OPCML: variants seen among roughly 807,000 people sequenced by gnomAD.
The protein encoded by OPCML is opioid-binding protein/cell adhesion molecule.
A neutral mutation model predicts 37.8 loss-of-function variants in OPCML; 13 were observed. The ratio of observed to expected loss-of-function variants is 0.34; its 90% CI spans 0.22 to 0.55. The LOEUF is 0.55. OPCML is among the 20% of genes least tolerant of loss of function. OPCML has a pLI of 0.91. For missense variants in OPCML, 341 were observed against 435.6 expected (o/e 0.78, Z 1.93); for synonymous variants, 176 against 168.8 (o/e 1.04, Z -0.33).
chr11:133,087,251 TGAA>T (rs1041093263), intron 1 of OPCML, among the ~76,000 whole-genome samples: 56 of 152,334 alleles, frequency 3.7e-4, no homozygotes, highest in Admixed American at 2.2e-3. Context: ...ATAGCAGTTT[TGAA>T]GAAGATGTTA....
chr11:133,273,927 C>T (rs1941920623), intron 1 of OPCML, among the ~76,000 whole-genome samples: 1 of 152,194 alleles, frequency 6.6e-6, no homozygotes, highest in Admixed American at 6.5e-5. Context: ...CTTTGAAATT[C>T]GTGTGTTAGA....
At chr11:132,924,075 G>T (rs58549753) in intron 2 of OPCML, among the ~76,000 whole-genome samples, 21 of 151,532 alleles carry the variant, frequency 1.4e-4, no homozygotes, top group African/African-American at 4.9e-4. Flanking sequence ...TAATTAAATC[G>T]AAATCTTGTT....
At chr11:132,645,947 C>A (rs965775925) in intron 3 of OPCML, among the ~76,000 whole-genome samples, 1 of 152,176 alleles carries the variant, frequency 6.6e-6, no homozygotes, top group Non-Finnish European at 1.5e-5. Flanking sequence ...GGGAGAAGAA[C>A]ATTAAAGGCA....
intron 1 of OPCML, among the ~76,000 whole-genome samples, chr11:132,970,438 A>G (rs1418748988): frequency 1.3e-5 from 2 of 152,162 alleles, no homozygotes; most frequent in East Asian, 3.9e-4. Flanking sequence ...AGATCAACCT[A>G]TTATAACAGT....
chr11:133,071,362 A>T (rs1025280305), intron 1 of OPCML, among the ~76,000 whole-genome samples: 2 of 152,220 alleles, frequency 1.3e-5, no homozygotes, highest in African/African-American at 4.8e-5. Flanking sequence ...TGTGTAAAAC[A>T]TATAGATGAG....
chr11:133,198,426 G>GGCTCT (rs1297609481), intron 1 of OPCML, among the ~76,000 whole-genome samples: 1 of 152,254 alleles, frequency 6.6e-6, no homozygotes, highest in Non-Finnish European at 1.5e-5. Context: ...GAGACAAAAT[G>GGCTCT]GCTCTGCTCT....
At chr11:133,034,758 T>G (rs1947746024) in intron 1 of OPCML, among the ~76,000 whole-genome samples, 1 of 151,896 alleles carries the variant, frequency 6.6e-6, no homozygotes, top group East Asian at 1.9e-4. Flanking sequence ...TTCCTTTTTT[T>G]TTTTTTGCTC....
At chr11:132,883,758 A>T (rs111756025) in intron 2 of OPCML, among the ~76,000 whole-genome samples, 32 of 152,282 alleles carry the variant, frequency 2.1e-4, no homozygotes, top group African/African-American at 7.7e-4. Context: ...CCTTATAAAA[A>T]CCCTATAAAA....
At chr11:132,471,087 A>C (rs1565590162) in intron 4 of OPCML, among the ~76,000 whole-genome samples, 1 of 152,362 alleles carries the variant, frequency 6.6e-6, no homozygotes, top group East Asian at 1.9e-4. Flanking sequence ...TTTCCAGTTA[A>C]ATGAGCATCA....
At chr11:133,520,938 T>C (rs761893171) in intron 1 of OPCML, among the ~76,000 whole-genome samples, 18 of 152,220 alleles carry the variant, frequency 1.2e-4, no homozygotes, top group Non-Finnish European at 2.5e-4. Context: ...GCCTGGGAAG[T>C]GAATGCAGGA....
At chr11:132,794,899 TA>T (rs55742457) in intron 2 of OPCML, among the ~76,000 whole-genome samples, 9,615 of 140,674 alleles carry the variant, frequency 0.068, 759 homozygotes, top group African/African-American at 0.2. Flanking sequence ...ATATCATGAG[TA>T]AAAAAAAAAA....
chr11:132,731,869 G>A (rs1250794438), intron 2 of OPCML, among the ~76,000 whole-genome samples: 1 of 152,050 alleles, frequency 6.6e-6, no homozygotes, highest in Non-Finnish European at 1.5e-5. Flanking sequence ...AGGTGTATCA[G>A]GATTATTAAA....
chr11:132,884,874 A>C (rs1943350551), intron 2 of OPCML, among the ~76,000 whole-genome samples: 1 of 152,246 alleles, frequency 6.6e-6, no homozygotes, highest in Admixed American at 6.5e-5. Context: ...TCATTTAAAA[A>C]ACTATGGTTT....
At chr11:132,975,777 C>CT (rs1447440722) in intron 1 of OPCML, among the ~76,000 whole-genome samples, 1 of 151,838 alleles carries the variant, frequency 6.6e-6, no homozygotes, top group African/African-American at 2.4e-5. Context: ...CTCCTGTCTT[C>CT]TTTTTTGTTT....
intron 2 of OPCML, among the ~76,000 whole-genome samples, chr11:132,767,126 T>C (rs1946471303): frequency 6.6e-6 from 1 of 152,214 alleles, no homozygotes; most frequent in Admixed American, 6.5e-5. Context: ...AGGGGGTTAG[T>C]GAGTGCTTTT....
chr11:133,090,461 T>C (rs1349477706), intron 1 of OPCML, among the ~76,000 whole-genome samples: 2 of 152,216 alleles, frequency 1.3e-5, no homozygotes, highest in Non-Finnish European at 2.9e-5. Context: ...AAAGTGGTCA[T>C]GAACAGAATA....
chr11:133,284,582 G>C (rs1004060128), intron 1 of OPCML, among the ~76,000 whole-genome samples: 1 of 152,152 alleles, frequency 6.6e-6, no homozygotes, highest in Non-Finnish European at 1.5e-5. Context: ...AAGAGAAACT[G>C]GGATACTGGG....
intron 3 of OPCML, among the ~76,000 whole-genome samples, chr11:132,633,765 G>T (rs1012965258): frequency 6.6e-6 from 1 of 152,176 alleles, no homozygotes; most frequent in Admixed American, 6.5e-5. Flanking sequence ...AAGGGAGGGT[G>T]CCAGGAAAGG....
Position 133,177,498 on chromosome 11 carries a change from T to C in OPCML, c.62-234488A>G, listed in dbSNP as rs1439930481. 2.6e-5 allele frequency among the ~76,000 whole-genome samples: 4 copies of C among 152,194 alleles called. No individual in the cohort carries two copies. Among genetic ancestry groups the C allele is most frequent in the Non-Finnish European group, 4.4e-5 (3 of 68,030 alleles). Reference sequence around the variant, plus strand: ...AAAACAAATAAACAAATCAAAATCCTGCTTCCTGATGGACAGGAAAGACTG... The same window carrying C: ...AAAACAAATAAACAAATCAAAATCCCGCTTCCTGATGGACAGGAAAGACTG... On this transcript the variant is annotated intron_variant, in intron 1 of 7. Transcript: ENST00000524381. The surrounding 1 kb of genome is among the most constrained non-coding windows in gnomAD (Gnocchi z 5.0).
Sources: gnomAD v4.1 joint callset for allele counts (sites outside exome capture counted in the v4.1 genomes callset) on GRCh38, gnomAD v4.1.1 for gene constraint, Gnocchi (gnomAD v3.1) non-coding constraint, MANE v1.5 for transcripts, NCBI Gene and HGNC (gene_info 2026-07-23, HGNC 2026-07-21) for gene names.